Variants in RPS5 observed in about 807,000 individuals in gnomAD.
RPS5 encodes the protein small ribosomal subunit protein uS7.
In RPS5, 2 loss-of-function variants were observed where a neutral mutation model predicts 20.9. The observed-to-expected ratio is 0.10, with a 90% CI of 0.04 to 0.30. The LOEUF is 0.30. RPS5 is among the 10% of genes least tolerant of loss of function. The probability of loss-of-function intolerance (pLI) is 1.00; values close to 1 mark genes in which losing one functional copy is unlikely to be tolerated. For synonymous variants in RPS5, 112 were observed against 105.8 expected (o/e 1.06, Z -0.36); for missense variants, 122 against 287.2 (o/e 0.42, Z 4.16).
intron 2 of RPS5, chr19:58,388,446 T>C: frequency 1.7e-6 from 1 of 579,500 alleles, no homozygotes; most frequent in Non-Finnish European, 3.1e-6. Flanking sequence ...ATGAGAGGAC[T>C]CCTTCACCAG....
intron 2 of RPS5, among the ~76,000 whole-genome samples, chr19:58,392,340 A>T (rs1469787195): frequency 1.3e-5 from 2 of 150,420 alleles, no homozygotes; most frequent in East Asian, 3.9e-4. Flanking sequence ...GAAAAAAAAA[A>T]CTAGGCCAGG....
In RPS5 at chr19:58,394,592, C is replaced by A; in HGVS notation, c.543C>A (p.Ala181=). The A allele has an allele frequency of 1.2e-6, 2 of 1,614,050 alleles. No homozygotes were observed. The highest frequency in any genetic ancestry group is 1.1e-5 in the South Asian group (1 of 91,078). Residue 181 remains alanine (A), a synonymous_variant, in exon 5 of 6, where the codon GCC becomes GCA. Transcript: ENST00000196551. ...ECLADELINA[A]KGSSNSYAIK... ...TGGCAGATGAGCTCATCAATGCTGCCAAGGTGGGTGAGGGCACTCCGGTTG... is the reference window on the plus strand; with the variant it reads ...TGGCAGATGAGCTCATCAATGCTGCAAAGGTGGGTGAGGGCACTCCGGTTG...
chr19:58,392,517 C>T (rs148735457), intron 2 of RPS5, among the ~76,000 whole-genome samples: 13 of 151,700 alleles, frequency 8.6e-5, no homozygotes, highest in South Asian at 2.1e-4. Context: ...CCTAGCTACT[C>T]GGGAGGTTGA....
At chr19:58,388,462 G>T (rs996733044) in intron 2 of RPS5, 8 of 574,194 alleles carry the variant, frequency 1.4e-5, no homozygotes, top group Admixed American at 3.3e-5. Flanking sequence ...ACCAGAAGGA[G>T]CATCACATCT....
chr19:58,394,457 G>C, intron 4 of RPS5, 40 bp from the exon 5 acceptor site: 1 of 1,577,436 alleles, frequency 6.3e-7, no homozygotes, highest in Non-Finnish European at 8.7e-7. Flanking sequence ...CTGGAGGACC[G>C]CAGTCTGTCC....
chr19:58,388,634 TAG>T, intron 2 of RPS5: 15 of 315,018 alleles, frequency 4.8e-5, no homozygotes, highest in Admixed American at 6.4e-5. Context: ...CAGCTGGCCG[TAG>T]TTTTTTTTTT....
intron 2 of RPS5, among the ~76,000 whole-genome samples, chr19:58,392,468 CA>C (rs1175284970): frequency 1.3e-5 from 2 of 151,992 alleles, no homozygotes; most frequent in African/African-American, 4.8e-5. Context: ...ACTAAAAATA[CA>C]AAAAAACTAG....
chr19:58,394,487 G>A lies in RPS5; in HGVS notation c.448-10G>A. The A allele has an allele frequency of 6.2e-7, 1 of 1,613,522 alleles. No homozygotes were observed. Among genetic ancestry groups the A allele is most frequent in the Admixed American group, 1.7e-5 (1 of 60,012 alleles). On this transcript the variant is annotated splice_polypyrimidine_tract_variant and intron_variant, in intron 4 of 5. Coordinates refer to ENST00000196551, the MANE Select transcript of RPS5 (RefSeq NM_001009.4). ...CTGTCCTTCTAGCCTGACCCCTGCT[G>A]TCTTCCTAGGCCATCTGGCTGCTGT...
At chr19:58,394,448 T>G (rs1288237288) in intron 4 of RPS5, 49 bp from the exon 5 acceptor site, 1 of 1,538,092 alleles carries the variant, frequency 6.5e-7, no homozygotes, top group African/African-American at 1.4e-5. Context: ...CCCAGGGTGC[T>G]GGAGGACCGC....
chr19:58,394,410 G>A, intron 4 of RPS5, 87 bp from the exon 5 acceptor site: 10 of 1,124,874 alleles, frequency 8.9e-6, no homozygotes, highest in Non-Finnish European at 1.3e-5. Context: ...GGGTGACAAC[G>A]TGGCTGGCAG....
chr19:58,390,367 A>G (rs1463268034), intron 2 of RPS5, among the ~76,000 whole-genome samples: 1 of 136,112 alleles, frequency 7.3e-6, no homozygotes, highest in Non-Finnish European at 1.6e-5. Flanking sequence ...GCCCACAAAC[A>G]TTTTCATTAT....
At chr19:58,387,450 GA>G (rs2052332808) in intron 1 of RPS5, 111 bp downstream of exon 1, 1 of 152,316 alleles carries the variant, frequency 6.6e-6, no homozygotes, top group South Asian at 2.1e-4. Flanking sequence ...CTCTGGAAAA[GA>G]AAATGTAGAA....
chr19:58,394,189 TTCC>T (rs982465009), intron 4 of RPS5: 3 of 333,134 alleles, frequency 9.0e-6, no homozygotes, highest in African/African-American at 6.3e-5. Flanking sequence ...TGCCAAAGTG[TTCC>T]TCCTGCCTCA....
chr19:58,387,806 A>C, intron 1 of RPS5: 2 of 317,674 alleles, frequency 6.3e-6, no homozygotes. Flanking sequence ...AGACCATGTA[A>C]ATCGCGAGAT....
chr19:58,387,960 G>A (rs2122154693), intron 1 of RPS5, 177 bp from the exon 2 acceptor site: 1 of 595,676 alleles, frequency 1.7e-6, no homozygotes, highest in Non-Finnish European at 3.0e-6. Flanking sequence ...GATGCTTCTT[G>A]CTGACAGCTG....
chr19:58,394,780 C>T lies in RPS5; in HGVS notation c.*30C>T, dbSNP rs764381647. 19 of 1,611,762 alleles carry T rather than the reference C, an allele frequency of 1.2e-5. No individual in the cohort carries two copies. The highest frequency in any genetic ancestry group is 1.6e-4 in the Middle Eastern group (1 of 6,062). ...CCCAGCTGCTGCCCAATAAACCTGT[C>T]TGCCCTTTGGGGCAGTCCCAGCCAC... On this transcript the variant is annotated 3_prime_UTR_variant, in exon 6 of 6. Coordinates refer to ENST00000196551, the MANE Select transcript of RPS5 (RefSeq NM_001009.4).
At chr19:58,393,621 G>A in intron 4 of RPS5, 134 bp downstream of exon 4, 1 of 1,181,796 alleles carries the variant, frequency 8.5e-7, no homozygotes, top group South Asian at 1.6e-5. Context: ...AAGCCTTCCT[G>A]GATTCCCACC....
intron 2 of RPS5, chr19:58,388,627 C>G: frequency 2.9e-6 from 1 of 345,498 alleles, no homozygotes; most frequent in East Asian, 4.2e-5. Context: ...CATAAATCAG[C>G]TGGCCGTAGT....
At position 58,391,646 on chromosome 19, in the gene RPS5, C is replaced by T. The variant is rs561594493; in HGVS notation, c.109-1330C>T. Reference sequence around the variant, plus strand: ...AACCCAAAAACAAAAAAGTTCTCAGCCAGGTGCAGTGGCTTATGCCTGTAA... The same window carrying T: ...AACCCAAAAACAAAAAAGTTCTCAGTCAGGTGCAGTGGCTTATGCCTGTAA... On this transcript the variant is annotated intron_variant, in intron 2 of 5. Transcript: ENST00000196551. Among the ~76,000 whole-genome samples the T allele has an allele frequency of 1.8e-4, 27 of 151,900 alleles. No individual in the cohort carries two copies. The South Asian group carries it at 5.6e-3, about 32-fold the overall frequency.
Sources: allele counts gnomAD v4.1 joint callset (sites outside exome capture counted in the v4.1 genomes callset), GRCh38; gene constraint gnomAD v4.1.1; transcripts MANE v1.5; gene names NCBI Gene and HGNC (gene_info 2026-07-23, HGNC 2026-07-21).